The following TENT2 variants were observed in gnomAD, a reference collection of about 807,000 sequenced individuals.
The protein encoded by TENT2 is terminal nucleotidyltransferase 2.
Under a neutral mutation model 72.2 loss-of-function variants are expected in TENT2, and 44 were observed. The observed-to-expected ratio is 0.61, with a 90% CI of 0.48 to 0.78. The LOEUF (loss-of-function observed/expected upper bound fraction) is 0.78, where lower values mean the gene tolerates loss of function less well. TENT2 is among the 30% of genes least tolerant of loss of function. TENT2 has a pLI of 0.00. For missense variants in TENT2, 541 were observed against 569.6 expected (o/e 0.95, Z 0.51); for synonymous variants, 212 against 192.5 (o/e 1.10, Z -0.84).
At chr5:79,617,530 A>G (rs180694116) in intron 1 of TENT2, 5 of 152,246 alleles carry the variant, frequency 3.3e-5, no homozygotes, top group Admixed American at 6.5e-5. Flanking sequence ...CTTTTCTTAG[A>G]TATCTTCTTG....
At position 79,655,426 on chromosome 5, in the gene TENT2, T is replaced by C. The variant is rs1797205786; in HGVS notation, c.1028-1532T>C. 2.6e-5 allele frequency among the ~76,000 whole-genome samples: 4 copies of C among 152,262 alleles called. No homozygotes were observed. The South Asian group carries it at 6.2e-4, about 24-fold the overall frequency. The stretch of plus-strand genomic sequence containing the variant: ...AGAATGAGATAAAGGTTTTTTATTC[T>C]AATTCTCTATAATCTTCTCTTCATC... On this transcript the variant is annotated intron_variant, in intron 10 of 14. Coordinates refer to ENST00000453514, the MANE Select transcript of TENT2 (RefSeq NM_001114394.3).
At chr5:79,685,118 C>A in intron 14 of TENT2, 81 bp from the exon 15 acceptor site, 1 of 1,086,070 alleles carries the variant, frequency 9.2e-7, no homozygotes, top group Non-Finnish European at 1.4e-6. Context: ...AGAGAACCAA[C>A]TATTAACATT....
At chr5:79,641,342 AT>A in intron 6 of TENT2, 146 bp downstream of exon 6, 1 of 603,258 alleles carries the variant, frequency 1.7e-6, no homozygotes, top group Non-Finnish European at 2.7e-6. Flanking sequence ...AACCTAGGTA[AT>A]TTTTTATTTT....
At chr5:79,613,350 TA>T (rs1756690766) in intron 1 of TENT2, among the ~76,000 whole-genome samples, 1 of 152,208 alleles carries the variant, frequency 6.6e-6, no homozygotes, top group African/African-American at 2.4e-5. Context: ...TATTTTTCAT[TA>T]GGGTGAACAG....
intron 2 of TENT2, 67 bp from the exon 3 acceptor site, chr5:79,619,927 A>C: frequency 1.4e-6 from 2 of 1,455,758 alleles, no homozygotes; most frequent in Non-Finnish European, 1.9e-6. Flanking sequence ...ATTTTTTTTC[A>C]GAGACTGGTT....
intron 4 of TENT2, among the ~76,000 whole-genome samples, chr5:79,638,651 T>G (rs1782097204): frequency 6.6e-6 from 1 of 152,204 alleles, no homozygotes; most frequent in Non-Finnish European, 1.5e-5. Flanking sequence ...CATGTTCTGC[T>G]TTTAAGACTG....
intron 13 of TENT2, 199 bp from the exon 14 acceptor site, chr5:79,681,783 A>G (rs1822147529): frequency 2.3e-6 from 1 of 443,506 alleles, no homozygotes; most frequent in Admixed American, 3.8e-5. Context: ...CTTGAATTCT[A>G]TCTACCTTAT....
chr5:79,630,216 A>G (rs959343929), intron 4 of TENT2, among the ~76,000 whole-genome samples: 1 of 152,188 alleles, frequency 6.6e-6, no homozygotes, highest in Non-Finnish European at 1.5e-5. Context: ...TGCTGAGAGA[A>G]TGCATTTGAG....
rs1051033272 is a variant in TENT2 at position 79,617,278 on chromosome 5, T to C, written c.-37-2334T>C. On this transcript the variant is annotated intron_variant, in intron 1 of 14. Transcript: ENST00000453514. ...CACAAATGTATAAGGTAGTGTCATA[T>C]ATAAATAATATATAATAAATTTTAT... 4.0e-5 allele frequency among the ~76,000 whole-genome samples: 6 copies of C among 151,578 alleles called. No homozygotes were observed. The East Asian group carries it at 7.7e-4, about 19-fold the overall frequency.
chr5:79,620,206 G>A (rs1763649363), intron 3 of TENT2, 123 bp downstream of exon 3: 1 of 566,832 alleles, frequency 1.8e-6, no homozygotes, highest in Non-Finnish European at 3.1e-6. Context: ...GGACCTGTAC[G>A]ATCAGATGAG....
chr5:79,685,429 T>G lies in TENT2; in HGVS notation c.*156T>G. ...CATATAAAGATTGCATATTTTATTA[T>G]GACATTTCCTAATAAACCCCTTTGA... On this transcript the variant is annotated 3_prime_UTR_variant, in exon 15 of 15. Transcript: ENST00000453514. 2.1e-6 allele frequency: 1 copy of G among 482,292 alleles called. No homozygotes were observed. The highest frequency in any genetic ancestry group is 3.5e-6 in the Non-Finnish European group (1 of 284,564). The allele number at this position is 482,292 out of a possible 1,614,324, so 29.9% of individuals were successfully genotyped here.
At chr5:79,638,746 A>G (rs946535166) in intron 4 of TENT2, among the ~76,000 whole-genome samples, 3 of 152,168 alleles carry the variant, frequency 2.0e-5, no homozygotes, top group Non-Finnish European at 4.4e-5. Context: ...CTGAGTATTC[A>G]TGATGAATAC....
At position 79,619,735 on chromosome 5, in the gene TENT2, T is replaced by G. The variant is rs1172413782; in HGVS notation, c.87T>G (p.Val29=). The change falls in exon 2 of 15, where the codon GTT becomes GTG. Residue 29 remains valine, a synonymous_variant. Transcript: ENST00000453514. ...HNNFFTLSPT[V]YSHQQLIDAQ... The stretch of plus-strand genomic sequence containing the variant: ...ACTTCTTTACCCTGTCACCTACTGT[T>G]TATTCACACCAGCAGCTTATAGATG... 6.2e-7 allele frequency: 1 copy of G among 1,613,836 alleles called. No individual in the cohort carries two copies. The highest frequency in any genetic ancestry group is 1.3e-5 in the African/African-American group (1 of 74,918).
At chr5:79,635,349 A>AT in intron 4 of TENT2, among the ~76,000 whole-genome samples, 1 of 152,342 alleles carries the variant, frequency 6.6e-6, no homozygotes, top group East Asian at 1.9e-4. Flanking sequence ...ATTCTTTCAC[A>AT]TAAAAACTCA....
chr5:79,684,551 C>T (rs1323605820), intron 14 of TENT2, among the ~76,000 whole-genome samples: 2 of 152,196 alleles, frequency 1.3e-5, no homozygotes, highest in Non-Finnish European at 2.9e-5. Flanking sequence ...ACACTATACC[C>T]AGTCTCATAA....
At chr5:79,654,585 G>A (rs1257253019) in intron 10 of TENT2, among the ~76,000 whole-genome samples, 3 of 151,936 alleles carry the variant, frequency 2.0e-5, no homozygotes, top group Non-Finnish European at 2.9e-5. Flanking sequence ...CCAACGTGGC[G>A]AAACCCTGTC....
rs1826552185 is a variant in TENT2, at chr5:79,687,952, G to C, written c.*2679G>C. ...ATTCCTTTTGTACTGGATGAGCATG[G>C]TCATTTGGGATTACTGATGGTGAAG... On this transcript the variant is annotated 3_prime_UTR_variant, in exon 15 of 15. Transcript: ENST00000453514. Among the ~76,000 whole-genome samples the C allele has an allele frequency of 6.6e-6, 1 of 152,062 alleles. No individual in the cohort carries two copies. Among genetic ancestry groups the C allele is most frequent in the South Asian group, 2.1e-4 (1 of 4,816 alleles).
At chr5:79,614,738 C>T (rs1469998697) in intron 1 of TENT2, among the ~76,000 whole-genome samples, 1 of 152,018 alleles carries the variant, frequency 6.6e-6, no homozygotes, top group Non-Finnish European at 1.5e-5. Context: ...TTGTGGAGGT[C>T]CCCTTATTTC....
chr5:79,660,957 A>G (rs1452038087), intron 11 of TENT2, among the ~76,000 whole-genome samples: 1 of 152,106 alleles, frequency 6.6e-6, no homozygotes, highest in African/African-American at 2.4e-5. Context: ...GCTGATGTGT[A>G]TGTTTGTGCC....
Sources: allele counts gnomAD v4.1 joint callset (sites outside exome capture counted in the v4.1 genomes callset), GRCh38; gene constraint gnomAD v4.1.1; transcripts MANE v1.5; gene names NCBI Gene and HGNC (gene_info 2026-07-23, HGNC 2026-07-21).